TNRC6B: variants seen among roughly 807,000 people sequenced by gnomAD.
TNRC6B encodes the protein trinucleotide repeat containing adaptor 6B.
TNRC6B carries 52 observed loss-of-function variants against 203.6 expected under a neutral mutation model. That is an observed-to-expected ratio of 0.26 (90% confidence interval 0.20 to 0.32). The LOEUF (loss-of-function observed/expected upper bound fraction) is 0.32, where lower values mean the gene tolerates loss of function less well. Among genes scored for constraint, TNRC6B ranks in the 10% least tolerant of loss-of-function variants. The pLI, the probability that TNRC6B is intolerant of heterozygous loss-of-function variation, is 1.00. For synonymous variants in TNRC6B, 838 were observed against 845.7 expected (o/e 0.99, Z 0.16); for missense variants, 1,923 against 2,286.2 (o/e 0.84, Z 3.24).
chr22:40,322,934 C>T lies in TNRC6B; in HGVS notation c.5195C>T (p.Pro1732Leu). ...EVSRFLAQAQ[P>L]PTPAATPSAP... The stretch of plus-strand genomic sequence containing the variant: ...AGCCGCTTTCTGGCACAAGCTCAGC[C>T]CCCTACACCTGCAGCAACCCCAAGT... The change falls in exon 23 of 23, where the codon CCC (proline) becomes CTC (leucine). Residue 1732 changes from proline (P) to leucine (L), a missense_variant. This residue lies in a region of TNRC6B where 126 missense variants were observed against 137.5 expected (regional missense o/e 0.92). Transcript: ENST00000454349. 1.2e-6 allele frequency: 2 copies of T among 1,613,820 alleles called. No homozygotes were observed. Among genetic ancestry groups the T allele is most frequent in the Non-Finnish European group, 1.7e-6 (2 of 1,179,812 alleles).
chr22:40,177,055 G>C (rs1296005694), upstream of TNRC6B, among the ~76,000 whole-genome samples: 2 of 152,206 alleles, frequency 1.3e-5, no homozygotes, highest in Non-Finnish European at 2.9e-5. Flanking sequence ...TGAGCCGCGG[G>C]GGCTGGAGAT....
At chr22:40,224,584 A>G (rs1218654960) in intron 1 of TNRC6B, among the ~76,000 whole-genome samples, 3 of 152,202 alleles carry the variant, frequency 2.0e-5, no homozygotes, top group African/African-American at 7.2e-5. Flanking sequence ...AGTCAGATGT[A>G]GCTGTCATTT....
At chr22:40,277,723 C>T (rs772599299) in intron 8 of TNRC6B, among the ~76,000 whole-genome samples, 48 of 152,106 alleles carry the variant, frequency 3.2e-4, no homozygotes, top group Non-Finnish European at 5.6e-4. Context: ...AACTTAAGGA[C>T]GGGGGTTTAT....
intron 1 of TNRC6B, among the ~76,000 whole-genome samples, chr22:40,086,613 A>G (rs953624022): frequency 5.3e-5 from 8 of 152,224 alleles, no homozygotes; most frequent in African/African-American, 1.7e-4. Context: ...ATGCTTGAAC[A>G]ATGGATGACA....
intron 1 of TNRC6B, among the ~76,000 whole-genome samples, chr22:40,186,349 G>A (rs1045610128): frequency 6.6e-6 from 1 of 152,152 alleles, no homozygotes; most frequent in Non-Finnish European, 1.5e-5. Context: ...AGGTGTTCCA[G>A]TGTTGGTATG....
chr22:40,200,672 T>G (rs576478082), intron 1 of TNRC6B, among the ~76,000 whole-genome samples: 2 of 152,208 alleles, frequency 1.3e-5, no homozygotes, highest in Admixed American at 6.5e-5. Flanking sequence ...AGCCTCCCCT[T>G]TTAAGCATTT....
intron 1 of TNRC6B, among the ~76,000 whole-genome samples, chr22:40,183,003 A>G (rs2069154264): frequency 6.6e-6 from 1 of 152,170 alleles, no homozygotes; most frequent in African/African-American, 2.4e-5. Flanking sequence ...TCTCCACAAT[A>G]CTATCCGGTT....
chr22:40,144,997 C>G (rs752093836), intron 3 of TNRC6B, among the ~76,000 whole-genome samples: 1 of 139,114 alleles, frequency 7.2e-6, no homozygotes. Flanking sequence ...TTTGGGAGGC[C>G]AAGACTGGAG....
intron 1 of TNRC6B, among the ~76,000 whole-genome samples, chr22:40,070,493 A>G (rs1259773818): frequency 6.6e-6 from 1 of 152,342 alleles, no homozygotes; most frequent in Non-Finnish European, 1.5e-5. Flanking sequence ...CATCTGCTAA[A>G]GGCTGATTTC....
intron 3 of TNRC6B, among the ~76,000 whole-genome samples, chr22:40,148,302 T>C (rs2068712689): frequency 6.6e-6 from 1 of 150,490 alleles, no homozygotes; most frequent in East Asian, 1.9e-4. Context: ...TTTTTTTTTT[T>C]GAGACAGAGT....
At chr22:40,258,436 C>T (rs910022515) in intron 3 of TNRC6B, among the ~76,000 whole-genome samples, 10 of 151,918 alleles carry the variant, frequency 6.6e-5, no homozygotes, top group African/African-American at 2.2e-4. Context: ...CAATTAGTGC[C>T]GGCAATTCTG....
chr22:40,157,568 A>G (rs541034745), intron 4 of TNRC6B, among the ~76,000 whole-genome samples: 1 of 152,220 alleles, frequency 6.6e-6, no homozygotes, highest in Non-Finnish European at 1.5e-5. Context: ...ATAGCTCACA[A>G]TATAAATCCT....
intron 1 of TNRC6B, among the ~76,000 whole-genome samples, chr22:40,053,687 G>A (rs1305553072): frequency 6.6e-6 from 1 of 152,154 alleles, no homozygotes; most frequent in African/African-American, 2.4e-5. Flanking sequence ...ACTGTACTGT[G>A]TCTGTCATAT....
chr22:40,198,053 T>A (rs1384954240), intron 1 of TNRC6B, among the ~76,000 whole-genome samples: 1 of 152,168 alleles, frequency 6.6e-6, no homozygotes, highest in Non-Finnish European at 1.5e-5. Context: ...GTATTGAGTT[T>A]AAGTTGTAAT....
intron 1 of TNRC6B, among the ~76,000 whole-genome samples, chr22:40,198,621 C>T (rs2069370445): frequency 6.6e-6 from 1 of 152,006 alleles, no homozygotes; most frequent in African/African-American, 2.4e-5. Context: ...AGGATAATGG[C>T]CCCCAGCAGC....
intron 1 of TNRC6B, among the ~76,000 whole-genome samples, chr22:40,238,921 G>T (rs562973160): frequency 6.6e-6 from 1 of 150,906 alleles, no homozygotes; most frequent in Non-Finnish European, 1.5e-5. Context: ...TGCCTGGCTC[G>T]GCTGGGCGCA....
At chr22:40,048,559 A>G (rs1438207700) in intron 1 of TNRC6B, among the ~76,000 whole-genome samples, 1 of 151,378 alleles carries the variant, frequency 6.6e-6, no homozygotes, top group Non-Finnish European at 1.5e-5. Flanking sequence ...AAAAAAAAAA[A>G]TTTCCAAAAC....
chr22:40,101,727 T>C (rs954499574), intron 1 of TNRC6B, among the ~76,000 whole-genome samples: 6 of 152,218 alleles, frequency 3.9e-5, no homozygotes, highest in African/African-American at 1.2e-4. Flanking sequence ...AGGCATTTTC[T>C]AAACATGGAC....
chr22:40,177,901 A>T, upstream of TNRC6B: 1 of 1,345,068 alleles, frequency 7.4e-7, no homozygotes, highest in East Asian at 2.8e-5. Context: ...CTCTATTTGA[A>T]GGTCACAAAA....
Sources: gnomAD v4.1 joint callset for allele counts (sites outside exome capture counted in the v4.1 genomes callset) on GRCh38, gnomAD v4.1.1 for gene constraint, gnomAD v4.1.1 regional missense constraint, MANE v1.5 for transcripts, NCBI Gene and HGNC (gene_info 2026-07-23, HGNC 2026-07-21) for gene names.